Variants in GAN observed in about 807,000 individuals in gnomAD.
GAN encodes epididymis secretory sperm binding protein.
Under a neutral mutation model 71.3 loss-of-function variants are expected in GAN, and 48 were observed. The ratio of observed to expected loss-of-function variants is 0.67; its 90% CI spans 0.53 to 0.86. The LOEUF is 0.86. GAN is among the 40% of genes least tolerant of loss of function. The pLI is 0.00. For missense variants in GAN, 928 were observed against 770.1 expected, an observed-to-expected ratio of 1.21 and a Z score of -2.43; for synonymous variants, 386 against 276.8, an observed-to-expected ratio of 1.39 and a Z score of -3.92.
chr16:81,348,791 A>G (rs1422692728), intron 1 of GAN, among the ~76,000 whole-genome samples: 1 of 152,242 alleles, frequency 6.6e-6, no homozygotes, highest in Non-Finnish European at 1.5e-5. Context: ...TTCTTAGGGC[A>G]GATTGATGTC....
At chr16:81,316,289 G>C (rs917719674) in intron 1 of GAN, among the ~76,000 whole-genome samples, 1 of 152,090 alleles carries the variant, frequency 6.6e-6, no homozygotes, top group East Asian at 1.9e-4. Flanking sequence ...CAATTGACAG[G>C]TCAGAAAAAG....
In GAN at chr16:81,352,429, G is replaced by T. The variant is rs140978428; in HGVS notation, c.282+732G>T. Among the ~76,000 whole-genome samples the T allele has an allele frequency of 2.0e-5, 3 of 152,196 alleles. No homozygotes were observed. The East Asian group carries it at 5.8e-4, about 29-fold the overall frequency. On this transcript the variant is annotated intron_variant, in intron 2 of 10. Transcript: ENST00000648994. ...AAGAAAAATCTTCCGTGTGAATCAG[G>T]GCTAGTTTTTTGTTTTGTTTTTTTA...
rs1437220056 is a variant in GAN, at chr16:81,356,973, C to T, written c.822C>T (p.Cys274=). 6.2e-7 allele frequency: 1 copy of T among 1,610,328 alleles called. No homozygotes were observed. The highest frequency in any genetic ancestry group is 1.3e-5 in the African/African-American group (1 of 74,838). The change falls in exon 4 of 11, where the codon TGC becomes TGT. Residue 274 remains cysteine (C), a synonymous_variant. Transcript: ENST00000648994. The part of the protein sequence containing the change: ...ANFKPRGYSE[C]IVTVGGEERV... ...TCAAACCCCGGGGCTACTCTGAGTGCATCGTGACTGTTGGTGGAGAAGAGA... is the reference window on the plus strand; with the variant it reads ...TCAAACCCCGGGGCTACTCTGAGTGTATCGTGACTGTTGGTGGAGAAGAGA...
Position 81,377,167 on chromosome 16 carries a change from T to C in GAN, c.1503-52T>C, listed in dbSNP as rs1234079002. 4.7e-6 allele frequency: 5 copies of C among 1,054,628 alleles called. No individual in the cohort carries two copies. In the African/African-American group the frequency reaches 7.8e-5, roughly 16 times the overall value. The allele number at this position is 1,054,628 out of a possible 1,614,324, so 65.3% of individuals were successfully genotyped here. A position where few individuals can be genotyped will look rare whatever the true frequency, so the allele number is the denominator to read the frequency against. ...CTTGCTGTGTCAGTCTTCCTAGATG[T>C]TGTTGTCATCCTTTTGATTTCCTTA... On this transcript the variant is annotated intron_variant, in intron 9 of 10. Transcript: ENST00000648994.
intron 9 of GAN, among the ~76,000 whole-genome samples, chr16:81,369,375 A>C (rs1181429917): frequency 6.6e-6 from 1 of 152,234 alleles, no homozygotes; most frequent in Non-Finnish European, 1.5e-5. Context: ...AAGAGTAGAA[A>C]ATGCAGGAGA....
chr16:81,372,094 C>T (rs193126908), intron 9 of GAN: 1 of 152,334 alleles, frequency 6.6e-6, no homozygotes, highest in African/African-American at 2.4e-5. Flanking sequence ...CTGTCATTCC[C>T]CTTCTACTTC....
intron 1 of GAN, among the ~76,000 whole-genome samples, chr16:81,330,777 GA>G (rs1272082390): frequency 2.0e-5 from 3 of 152,182 alleles, no homozygotes; most frequent in Admixed American, 6.5e-5. Flanking sequence ...TAACCATGGA[GA>G]AACCCAAGAG....
chr16:81,353,215 CCAG>C (rs1343172262), intron 2 of GAN, among the ~76,000 whole-genome samples: 28 of 151,232 alleles, frequency 1.9e-4, no homozygotes, highest in Admixed American at 8.5e-4. Flanking sequence ...GGCGTGAACC[CCAG>C]GGGGCGGAGC....
At chr16:81,319,222 A>ATATATATC (rs1043279307) in intron 1 of GAN, among the ~76,000 whole-genome samples, 1 of 148,566 alleles carries the variant, frequency 6.7e-6, no homozygotes, top group Non-Finnish European at 1.5e-5. Flanking sequence ...ATATATATAT[A>ATATATATC]TATCTAACAA....
chr16:81,321,813 C>T (rs573108407), intron 1 of GAN, among the ~76,000 whole-genome samples: 13 of 152,044 alleles, frequency 8.6e-5, no homozygotes, highest in South Asian at 2.1e-4. Flanking sequence ...GGTGGAGATA[C>T]GGGGGTGTGA....
chr16:81,326,373 A>C (rs1909388060), intron 1 of GAN, among the ~76,000 whole-genome samples: 1 of 151,962 alleles, frequency 6.6e-6, no homozygotes, highest in Non-Finnish European at 1.5e-5. Context: ...CAAAAAAAAA[A>C]AAAAAAAAAA....
intron 6 of GAN, 136 bp from the exon 7 acceptor site, chr16:81,363,658 G>A: frequency 3.6e-6 from 3 of 829,810 alleles, no homozygotes; most frequent in Non-Finnish European, 6.2e-6. Flanking sequence ...TCCTCTCCCT[G>A]TCTCCTTGCT....
At chr16:81,348,406 T>C (rs1910191755) in intron 1 of GAN, among the ~76,000 whole-genome samples, 2 of 152,242 alleles carry the variant, frequency 1.3e-5, no homozygotes, top group African/African-American at 4.8e-5. Flanking sequence ...AGTTACCTTT[T>C]TTCTTATCAG....
chr16:81,319,303 C>T (rs1035552898), intron 1 of GAN, among the ~76,000 whole-genome samples: 1 of 151,540 alleles, frequency 6.6e-6, no homozygotes, highest in Non-Finnish European at 1.5e-5. Flanking sequence ...CTCATCAACT[C>T]TGAGACCTTC....
rs76603465 is a variant in GAN, at chr16:81,375,643, C to G, written c.1503-1576C>G. On this transcript the variant is annotated intron_variant, in intron 9 of 10. Coordinates refer to ENST00000648994, the MANE Select transcript of GAN (RefSeq NM_022041.4). Reference sequence around the variant, plus strand: ...ACCTGGCCCCCAGTTTTAAAGTGAGCAAACCTTTAAACAGACATTTTATAA... The same window carrying G: ...ACCTGGCCCCCAGTTTTAAAGTGAGGAAACCTTTAAACAGACATTTTATAA... Among the ~76,000 whole-genome samples, 1,344 of 152,060 alleles carry G rather than the reference C, an allele frequency of 8.8e-3. 21 individuals carry two copies. Among genetic ancestry groups the G allele is most frequent in the African/African-American group, 0.031 (1,298 of 41,478 alleles).
At chr16:81,337,491 TA>T (rs1422689675) in intron 1 of GAN, among the ~76,000 whole-genome samples, 2 of 152,372 alleles carry the variant, frequency 1.3e-5, no homozygotes, top group East Asian at 3.9e-4. Flanking sequence ...CAGTCACGTC[TA>T]AAATGATTCT....
chr16:81,337,345 G>T (rs891209950), intron 1 of GAN, among the ~76,000 whole-genome samples: 5 of 152,078 alleles, frequency 3.3e-5, no homozygotes, highest in African/African-American at 7.2e-5. Context: ...TGCAAATCTC[G>T]ACTTCGTGAA....
intron 1 of GAN, among the ~76,000 whole-genome samples, chr16:81,344,734 C>CA (rs1910059463): frequency 6.6e-6 from 1 of 151,620 alleles, no homozygotes. Flanking sequence ...AAAGCAATGG[C>CA]AAAAAAGCCA....
chr16:81,383,216 T>G lies in GAN; in HGVS notation c.*5620T>G, dbSNP rs1018960813. 2 of 151,366 alleles carry G rather than the reference T, an allele frequency of 1.3e-5. No homozygotes were observed. Among genetic ancestry groups the G allele is most frequent in the African/African-American group, 4.8e-5 (2 of 41,302 alleles). 9.4% of individuals were successfully genotyped at this position (151,366 alleles called of 1,614,324 possible). The stretch of plus-strand genomic sequence containing the variant: ...AAATAAAACTACATTATATAATTAT[T>G]TAGTCAGAAATGACTGTTGCCCTCT... On this transcript the variant is annotated 3_prime_UTR_variant, in exon 11 of 11. Transcript: ENST00000648994.
Sources: gnomAD v4.1 joint callset for allele counts (sites outside exome capture counted in the v4.1 genomes callset) on GRCh38, gnomAD v4.1.1 for gene constraint, MANE v1.5 for transcripts, NCBI Gene and HGNC (gene_info 2026-07-23, HGNC 2026-07-21) for gene names.